ACTRT3: variants seen among roughly 807,000 people sequenced by gnomAD.
The protein encoded by ACTRT3 is actin-related protein T3.
In ACTRT3, 15 loss-of-function variants were observed where a neutral mutation model predicts 17.6. The observed-to-expected ratio is 0.85, with a 90% CI of 0.57 to 1.31. The LOEUF (loss-of-function observed/expected upper bound fraction) is 1.31, where lower values mean the gene tolerates loss of function less well. Ranked by LOEUF, ACTRT3 falls within the 50% of genes most tolerant of loss-of-function variation. ACTRT3 has a pLI of 0.00. For synonymous variants in ACTRT3, 169 were observed against 176.4 expected, an observed-to-expected ratio of 0.96 and a Z score of 0.33; for missense variants, 457 against 466.7, an observed-to-expected ratio of 0.98 and a Z score of 0.19.
rs139678886 is a variant in ACTRT3 at position 169,767,538 on chromosome 3, A to C, written c.1013T>G (p.Met338Arg). The change falls in exon 2 of 2, where the codon ATG (methionine) becomes AGG (arginine). Residue 338 changes from methionine (M) to arginine (R), a missense_variant. By Grantham distance (91) the Met-to-Arg change is moderately conservative (BLOSUM62 -1). Transcript: ENST00000330368. Reference protein sequence around the residue: ...APPERKISVWMGGSILASLSA... With the variant: ...APPERKISVWRGGSILASLSA... Reference sequence around the variant, plus strand: ...CAAGGATGCAAGAATAGAACCTCCCATCCACACTGATATTTTCCTTTCTGG... The same window carrying C: ...CAAGGATGCAAGAATAGAACCTCCCCTCCACACTGATATTTTCCTTTCTGG... The C allele has an allele frequency of 6.2e-7, 1 of 1,614,066 alleles. No homozygotes were observed. The highest frequency in any genetic ancestry group is 1.1e-5 in the South Asian group (1 of 91,086).
chr3:169,767,548 A>C lies in ACTRT3; in HGVS notation c.1003T>G (p.Ser335Ala). 6.2e-7 allele frequency: 1 copy of C among 1,614,058 alleles called. No homozygotes were observed. Among genetic ancestry groups the C allele is most frequent in the Non-Finnish European group, 8.5e-7 (1 of 1,180,022 alleles). Residue 335 changes from serine (S) to alanine (A), a missense_variant, in exon 2 of 2, where the codon TCA becomes GCA. Physicochemically the swap from Ser to Ala is moderately conservative, Grantham distance 99. Transcript: ENST00000330368. ...QVIAPPERKI[S>A]VWMGGSILAS... ...AGAATAGAACCTCCCATCCACACTG[A>C]TATTTTCCTTTCTGGAGGAGCTATA...
chr3:169,768,281 G>A lies in ACTRT3; in HGVS notation c.270C>T (p.Asp90=). 5 of 1,613,882 alleles carry A rather than the reference G, an allele frequency of 3.1e-6. No homozygotes were observed. The highest frequency in any genetic ancestry group is 4.2e-6 in the Non-Finnish European group (5 of 1,180,026). ...DMEIMWKHIY[D]YNLKLKPCDG... Reference sequence around the variant, plus strand: ...CACACGGCTTCAGCTTTAGGTTATAGTCATAGATATGCTTCCACATGATCT... The same window carrying A: ...CACACGGCTTCAGCTTTAGGTTATAATCATAGATATGCTTCCACATGATCT... Residue 90 remains aspartate, a synonymous_variant, in exon 2 of 2, where the codon GAC becomes GAT. Coordinates refer to ENST00000330368, the MANE Select transcript of ACTRT3 (RefSeq NM_032487.5).
chr3:169,767,323 T>G lies in ACTRT3; in HGVS notation c.*109A>C, dbSNP rs1577385499. Reference sequence around the variant, plus strand: ...CATTATAGAAATACAACAGAAATATTGGCATCCCAATAGGTGAAGTATTTT... The same window carrying G: ...CATTATAGAAATACAACAGAAATATGGGCATCCCAATAGGTGAAGTATTTT... On this transcript the variant is annotated 3_prime_UTR_variant, in exon 2 of 2. Coordinates refer to ENST00000330368, the MANE Select transcript of ACTRT3 (RefSeq NM_032487.5). 3 of 954,904 alleles carry G rather than the reference T, an allele frequency of 3.1e-6. No homozygotes were observed. The highest frequency in any genetic ancestry group is 5.2e-5 in the East Asian group (2 of 38,142). 59.2% of individuals were successfully genotyped at this position (954,904 alleles called of 1,614,324 possible).
In ACTRT3 at chr3:169,767,446, G is replaced by T; in HGVS notation, c.1105C>A (p.Gln369Lys). The part of the protein sequence containing the change: ...FKEVGPNIVH[Q>K]RCF Reference sequence around the variant, plus strand: ...TTATCTGTATTTCAGAAGCATCTTTGGTGTACTATGTTGGGTCCAACTTCT... The same window carrying T: ...TTATCTGTATTTCAGAAGCATCTTTTGTGTACTATGTTGGGTCCAACTTCT... The change falls in exon 2 of 2, where the codon CAA (glutamine) becomes AAA (lysine). Residue 369 changes from glutamine (Q) to lysine (K), a missense_variant. Gln to Lys is a moderately conservative substitution (Grantham distance 53, BLOSUM62 1). Coordinates refer to ENST00000330368, the MANE Select transcript of ACTRT3 (RefSeq NM_032487.5). The T allele has an allele frequency of 6.4e-7, 1 of 1,574,006 alleles. No individual in the cohort carries two copies. Among genetic ancestry groups the T allele is most frequent in the Non-Finnish European group, 8.6e-7 (1 of 1,160,242 alleles).
Position 169,767,642 on chromosome 3 carries a change from G to C in ACTRT3, c.909C>G (p.Phe303Leu). 1 of 1,613,678 alleles carries C rather than the reference G, an allele frequency of 6.2e-7. No homozygotes were observed. Residue 303 changes from phenylalanine (F) to leucine (L), a missense_variant, in exon 2 of 2, where the codon TTC becomes TTG. Physicochemically the swap from Phe to Leu is conservative, Grantham distance 22. Coordinates refer to ENST00000330368, the MANE Select transcript of ACTRT3 (RefSeq NM_032487.5). ...TAACTAACCGCTTGTCTAAACCAGG[G>C]AAAGAGGTTGATCCCCCGGCAAGGA... Reference protein sequence around the residue: ...NIILAGGSTSFPGLDKRLVKD... With the variant: ...NIILAGGSTSLPGLDKRLVKD...
In ACTRT3 at chr3:169,767,884, C is replaced by T. The variant is rs1227508146; in HGVS notation, c.667G>A (p.Glu223Lys). The T allele has an allele frequency of 1.2e-6, 2 of 1,614,130 alleles. No homozygotes were observed. The highest frequency in any genetic ancestry group is 1.7e-6 in the Non-Finnish European group (2 of 1,180,034). ...ESFCYVAMNY[E>K]EEMAKKPDCL... ...TCGGGTTTCTTGGCCATTTCCTCTTCGTAGTTCATTGCCACATAACAAAAG... is the reference window on the plus strand; with the variant it reads ...TCGGGTTTCTTGGCCATTTCCTCTTTGTAGTTCATTGCCACATAACAAAAG... Residue 223 changes from glutamate to lysine, a missense_variant, in exon 2 of 2, where the codon GAA (glutamate) becomes AAA (lysine). Physicochemically the swap from Glu to Lys is moderately conservative, Grantham distance 56. Transcript: ENST00000330368.
chr3:169,767,991 T>A lies in ACTRT3; in HGVS notation c.560A>T (p.Tyr187Phe). ...LDLAGLDLTN[Y>F]LMVLMKNHGI... is the part of the protein sequence containing the mutation. The stretch of plus-strand genomic sequence containing the variant: ...ATGGTTCTTCATTAGCACCATGAGG[T>A]AGTTGGTGAGGTCAAGGCCTGCCAG... The change falls in exon 2 of 2, where the codon TAC (tyrosine) becomes TTC (phenylalanine). Residue 187 changes from tyrosine to phenylalanine, a missense_variant. Coordinates refer to ENST00000330368, the MANE Select transcript of ACTRT3 (RefSeq NM_032487.5). 4 of 1,614,112 alleles carry A rather than the reference T, an allele frequency of 2.5e-6. No homozygotes were observed. The highest frequency in any genetic ancestry group is 3.4e-6 in the Non-Finnish European group (4 of 1,180,040).
At position 169,768,163 on chromosome 3, in the gene ACTRT3, C is replaced by G. The variant is rs1387837828; in HGVS notation, c.388G>C (p.Ala130Pro). The G allele has an allele frequency of 6.2e-7, 1 of 1,614,062 alleles. No homozygotes were observed. The highest frequency in any genetic ancestry group is 1.3e-5 in the African/African-American group (1 of 75,044). Residue 130 changes from alanine to proline, a missense_variant, in exon 2 of 2, where the codon GCC becomes CCC. Coordinates refer to ENST00000330368, the MANE Select transcript of ACTRT3 (RefSeq NM_032487.5). ...ACAGCCTGGATGGACATATAGAAGG[C>G]AGGAACACCCAGATGCTCAAAAAAC... is the stretch of plus-strand genomic sequence containing the variant. The part of the protein sequence containing the change: ...EMFFEHLGVP[A>P]FYMSIQAVLA...
In ACTRT3 at chr3:169,768,036, T is replaced by C; in HGVS notation, c.515A>G (p.His172Arg). The change falls in exon 2 of 2, where the codon CAT becomes CGT. Residue 172 changes from histidine to arginine, a missense_variant. Physicochemically the swap from His to Arg is conservative, Grantham distance 29. Coordinates refer to ENST00000330368, the MANE Select transcript of ACTRT3 (RefSeq NM_032487.5). The part of the protein sequence containing the change: ...VPIFEGYCLP[H>R]GVQQLDLAGL... ...TGCCAGATCCAGTTGCTGCACACCATGAGGCAGACAGTAACCCTCAAAGAT... is the reference window on the plus strand; with the variant it reads ...TGCCAGATCCAGTTGCTGCACACCACGAGGCAGACAGTAACCCTCAAAGAT... The C allele has an allele frequency of 6.2e-7, 1 of 1,614,106 alleles. No homozygotes were observed.
rs912364408 is a variant in ACTRT3, at chr3:169,767,822, C to T, written c.729G>A (p.Lys243=). The T allele has an allele frequency of 6.2e-7, 1 of 1,614,022 alleles. No individual in the cohort carries two copies. The highest frequency in any genetic ancestry group is 1.3e-5 in the African/African-American group (1 of 74,924). ...AGAGCTGGTCATGGAGCTGGATGAC[C>T]TTCCCATCAGGTAGTTGGTAAACTT... ...LEKVYQLPDG[K]VIQLHDQLFS... Residue 243 remains lysine, a synonymous_variant, in exon 2 of 2, where the codon AAG becomes AAA. Transcript: ENST00000330368.
Position 169,769,441 on chromosome 3 carries a change from G to GC in ACTRT3, c.79_80insG (p.Pro27ArgfsTer64). ...GATAATGTTCGGGTAGATAAACTGGGGCTCCCGGCACCCAGCCACGCCCGC... is the reference window on the plus strand; with the variant it reads ...GATAATGTTCGGGTAGATAAACTGGGCGCTCCCGGCACCCAGCCACGCCCGC... On this transcript the variant is annotated frameshift_variant, in exon 1 of 2. Transcript: ENST00000330368. LOFTEE classifies it high-confidence loss of function. The GC allele has an allele frequency of 6.2e-7, 1 of 1,609,870 alleles. No individual in the cohort carries two copies. The highest frequency in any genetic ancestry group is 1.7e-5 in the Admixed American group (1 of 59,728).
rs368448793 is a variant in ACTRT3 at position 169,768,117 on chromosome 3, C to G, written c.434G>C (p.Gly145Ala). ...ATTCAGCACAAGGCCAGTAGTGAAGCCAGCAGCAAAGAGAGCCAGCACAGC... is the reference window on the plus strand; with the variant it reads ...ATTCAGCACAAGGCCAGTAGTGAAGGCAGCAGCAAAGAGAGCCAGCACAGC... ...IQAVLALFAA[G>A]FTTGLVLNSG... Residue 145 changes from glycine (G) to alanine (A), a missense_variant, in exon 2 of 2, where the codon GGC becomes GCC. By Grantham distance (60) the Gly-to-Ala change is moderately conservative (BLOSUM62 0). Transcript: ENST00000330368. 2 of 1,613,916 alleles carry G rather than the reference C, an allele frequency of 1.2e-6. No individual in the cohort carries two copies. The highest frequency in any genetic ancestry group is 2.7e-5 in the African/African-American group (2 of 74,904).
intron 1 of ACTRT3, among the ~76,000 whole-genome samples, chr3:169,768,614 G>A (rs948257698): frequency 2.1e-4 from 31 of 150,438 alleles, no homozygotes; most frequent in African/African-American, 7.4e-4. Context: ...TGCAAGCTCC[G>A]CCTCCCGGGT....
Position 169,769,397 on chromosome 3 carries a change from T to C in ACTRT3, c.124A>G (p.Ser42Gly). 1.2e-6 allele frequency: 2 copies of C among 1,605,288 alleles called. No homozygotes were observed. Among genetic ancestry groups the C allele is most frequent in the Non-Finnish European group, 1.7e-6 (2 of 1,178,008 alleles). The change falls in exon 1 of 2, where the codon AGC (serine) becomes GGC (glycine). Residue 42 changes from serine to glycine, a missense_variant. Ser to Gly is a moderately conservative substitution (Grantham distance 56, BLOSUM62 0). Coordinates refer to ENST00000330368, the MANE Select transcript of ACTRT3 (RefSeq NM_032487.5). The stretch of plus-strand genomic sequence containing the variant: ...TCTAGCCCGCCCTGGGCCGCGCGGC[T>C]CTGGCCCTTGGCGCGGCCGATAATG... ...PNIIGRAKGQSRAAQGGLELC... is the reference protein window; with the variant it reads ...PNIIGRAKGQGRAAQGGLELC...
Position 169,769,462 on chromosome 3 carries a change from C to G in ACTRT3, c.59G>C (p.Gly20Ala), listed in dbSNP as rs1412442895. 4 of 1,611,054 alleles carry G rather than the reference C, an allele frequency of 2.5e-6. No homozygotes were observed. In the African/African-American group the frequency reaches 5.4e-5, roughly 22 times the overall value. The part of the protein sequence containing the change: ...IDNGSGMIKA[G>A]VAGCREPQFI... ...CTGGGGCTCCCGGCACCCAGCCACG[C>G]CCGCCTTGATCATTCCCGAGCCGTT... The change falls in exon 1 of 2, where the codon GGC becomes GCC. Residue 20 changes from glycine (G) to alanine (A), a missense_variant. Physicochemically the swap from Gly to Ala is moderately conservative, Grantham distance 60. Transcript: ENST00000330368.
Position 169,769,478 on chromosome 3 carries a change from C to G in ACTRT3, c.43G>C (p.Gly15Arg). 1 of 1,611,046 alleles carries G rather than the reference C, an allele frequency of 6.2e-7. No homozygotes were observed. The highest frequency in any genetic ancestry group is 8.5e-7 in the Non-Finnish European group (1 of 1,179,396). Residue 15 changes from glycine (G) to arginine (R), a missense_variant, in exon 1 of 2, where the codon GGA becomes CGA. By Grantham distance (125) the Gly-to-Arg change is moderately radical. Coordinates refer to ENST00000330368, the MANE Select transcript of ACTRT3 (RefSeq NM_032487.5). Reference sequence around the variant, plus strand: ...CCAGCCACGCCCGCCTTGATCATTCCCGAGCCGTTGTCGATCACCACCGGT... The same window carrying G: ...CCAGCCACGCCCGCCTTGATCATTCGCGAGCCGTTGTCGATCACCACCGGT... ...QLPVVIDNGS[G>R]MIKAGVAGCR...
Position 169,767,904 on chromosome 3 carries a change from C to T in ACTRT3, c.647G>A (p.Cys216Tyr). 6.2e-7 allele frequency: 1 copy of T among 1,614,162 alleles called. No homozygotes were observed. The highest frequency in any genetic ancestry group is 8.5e-7 in the Non-Finnish European group (1 of 1,180,042). ...CTCTTCGTAGTTCATTGCCACATAA[C>T]AAAAGCTCTCCTTGATGTCTTCAAC... ...KIVEDIKESF[C>Y]YVAMNYEEEM... is the part of the protein sequence containing the mutation. Residue 216 changes from cysteine to tyrosine, a missense_variant, in exon 2 of 2, where the codon TGT becomes TAT. By Grantham distance (194) the Cys-to-Tyr change is radical. Coordinates refer to ENST00000330368, the MANE Select transcript of ACTRT3 (RefSeq NM_032487.5).
Position 169,769,365 on chromosome 3 carries a change from G to A in ACTRT3, c.156C>T (p.Cys52=), listed in dbSNP as rs1778041867. Residue 52 remains cysteine (C), a synonymous_variant, in exon 1 of 2, where the codon TGC becomes TGT. Transcript: ENST00000330368. ...SRAAQGGLEL[C]VGDQAQDWRS... The stretch of plus-strand genomic sequence containing the variant: ...TCCAGTCCTGAGCTTGGTCGCCCAC[G>A]CAGAGTTCTAGCCCGCCCTGGGCCG... The A allele has an allele frequency of 6.3e-7, 1 of 1,577,098 alleles. No homozygotes were observed. The highest frequency in any genetic ancestry group is 1.8e-5 in the Admixed American group (1 of 56,238).
Position 169,768,258 on chromosome 3 carries a change from C to T in ACTRT3, c.293G>A (p.Cys98Tyr). Residue 98 changes from cysteine to tyrosine, a missense_variant, in exon 2 of 2, where the codon TGT becomes TAT. Transcript: ENST00000330368. Reference sequence around the variant, plus strand: ...CTCAGTAATCAAGACTGGGCCATCACACGGCTTCAGCTTTAGGTTATAGTC... The same window carrying T: ...CTCAGTAATCAAGACTGGGCCATCATACGGCTTCAGCTTTAGGTTATAGTC... The part of the protein sequence containing the change: ...IYDYNLKLKP[C>Y]DGPVLITEPA... 6.2e-7 allele frequency: 1 copy of T among 1,613,944 alleles called. No homozygotes were observed. Among genetic ancestry groups the T allele is most frequent in the Non-Finnish European group, 8.5e-7 (1 of 1,180,040 alleles).
Sources: gnomAD v4.1 joint callset for allele counts (sites outside exome capture counted in the v4.1 genomes callset) on GRCh38, gnomAD v4.1.1 for gene constraint, MANE v1.5 for transcripts, NCBI Gene and HGNC (gene_info 2026-07-23, HGNC 2026-07-21) for gene names.